The following SETX variants were observed in gnomAD, a reference collection of about 807,000 sequenced individuals.
SETX encodes the protein senataxin.
A neutral mutation model predicts 227.2 loss-of-function variants in SETX; 90 were observed. That is an observed-to-expected ratio of 0.40 (90% CI 0.33 to 0.47). The LOEUF is 0.47. Ranked by LOEUF, SETX falls within the 20% of genes least tolerant of loss-of-function variation. The pLI is 0.91. For missense variants in SETX, 3,052 were observed against 3,181.5 expected, an observed-to-expected ratio of 0.96 and a Z score of 0.98; for synonymous variants, 1,210 against 1,113.2, an observed-to-expected ratio of 1.09 and a Z score of -1.73.
At chr9:132,323,015 T>G (rs1437526968) in intron 10 of SETX, among the ~76,000 whole-genome samples, 3 of 151,700 alleles carry the variant, frequency 2.0e-5, no homozygotes, top group Non-Finnish European at 4.4e-5. Flanking sequence ...AGATGAAAGA[T>G]AGAAAAAATT....
At chr9:132,348,190 T>C (rs1160433576) in intron 3 of SETX, among the ~76,000 whole-genome samples, 4 of 151,138 alleles carry the variant, frequency 2.6e-5, no homozygotes, top group Admixed American at 6.6e-5. Context: ...TAAAACCCCA[T>C]CTCTACTAAA....
intron 5 of SETX, among the ~76,000 whole-genome samples, chr9:132,340,364 A>G (rs1169606812): frequency 6.6e-6 from 1 of 152,226 alleles, no homozygotes; most frequent in Non-Finnish European, 1.5e-5. Flanking sequence ...GTGTCCTAAT[A>G]TATCTGCTTC....
intron 10 of SETX, among the ~76,000 whole-genome samples, chr9:132,325,220 G>A (rs1846645121): frequency 6.6e-6 from 1 of 152,158 alleles, no homozygotes; most frequent in African/African-American, 2.4e-5. Context: ...GCCGGCCGTG[G>A]TGGCGAGAGC....
Position 132,329,815 on chromosome 9 carries a change from T to C in SETX, c.1783A>G (p.Ile595Val), listed in dbSNP as rs747660516. Residue 595 changes from isoleucine (I) to valine (V), a missense_variant, in exon 10 of 26, where the codon ATA becomes GTA. This residue lies in a region of SETX where 1,483 missense variants were observed against 1,312.0 expected (regional missense o/e 1.13). Transcript: ENST00000224140. The part of the protein sequence containing the change: ...QSCLKQIIRN[I>V]KFKAPPCNTF... ...TTACATGGAGGTGCTTTGAATTTTA[T>C]GTTTCTAATAATTTGCTTTAAGCAA... 13 of 1,613,944 alleles carry C rather than the reference T, an allele frequency of 8.1e-6. No homozygotes were observed. In the East Asian group the frequency reaches 2.4e-4, roughly 30 times the overall value.
At chr9:132,315,240 C>T (rs1845901858) in intron 10 of SETX, among the ~76,000 whole-genome samples, 1 of 152,132 alleles carries the variant, frequency 6.6e-6, no homozygotes, top group African/African-American at 2.4e-5. Flanking sequence ...ATTAAAACAA[C>T]AGCTGTTTCA....
intron 15 of SETX, among the ~76,000 whole-genome samples, chr9:132,291,719 C>T (rs1844322381): frequency 6.6e-6 from 1 of 152,098 alleles, no homozygotes; most frequent in South Asian, 2.1e-4. Context: ...GTCTAGGTGC[C>T]TGGGTGTCTG....
intron 18 of SETX, among the ~76,000 whole-genome samples, chr9:132,286,181 CAAAAAAAAA>C (rs58043008): frequency 1.3e-5 from 1 of 74,544 alleles, no homozygotes; most frequent in African/African-American, 4.8e-5. Flanking sequence ...GACTTCACCT[CAAAAAAAAA>C]AAAAAAAAAA....
rs372021275 is a variant in SETX, at chr9:132,328,575, G to C, written c.3023C>G (p.Thr1008Ser). 24 of 1,613,790 alleles carry C rather than the reference G, an allele frequency of 1.5e-5. No homozygotes were observed. In the African/African-American group the frequency reaches 3.1e-4, roughly 21 times the overall value. ...AATAATAATAACCTGTCCACGGGAG[G>C]TATCTCCAACATTATTTTGGTTAGC... Reference protein sequence around the residue: ...FTANQNNVGDTSRGQVIIISD... With the variant: ...FTANQNNVGDSSRGQVIIISD... Residue 1008 changes from threonine to serine, a missense_variant, in exon 10 of 26, where the codon ACC becomes AGC. This residue lies in a region of SETX where 1,483 missense variants were observed against 1,312.0 expected (regional missense o/e 1.13). Coordinates refer to ENST00000224140, the MANE Select transcript of SETX (RefSeq NM_015046.7).
chr9:132,283,975 C>T (rs750438599), intron 18 of SETX, among the ~76,000 whole-genome samples: 3 of 152,204 alleles, frequency 2.0e-5, no homozygotes, highest in Non-Finnish European at 2.9e-5. Flanking sequence ...ACGTGAGTGA[C>T]GCCTCACAGT....
chr9:132,330,313 T>C lies in SETX; in HGVS notation c.1285A>G (p.Ile429Val), dbSNP rs747053403. ...MDLKDLGVAY[I>V]AQVVNHLYSE... ...TACAGATGATTAACAACCTGTGCTA[T>C]GTAAGCCACACCCAAATCCTTAAGA... The change falls in exon 10 of 26, where the codon ATA (isoleucine) becomes GTA (valine). Residue 429 changes from isoleucine (I) to valine (V), a missense_variant. Physicochemically the swap from Ile to Val is conservative, Grantham distance 29. Around this residue, in one of 10 missense-constraint regions of SETX, gnomAD observed 179 missense variants for 197.1 expected, o/e 0.91. Transcript: ENST00000224140. 6.2e-6 allele frequency: 10 copies of C among 1,612,170 alleles called. No homozygotes were observed. Among genetic ancestry groups the C allele is most frequent in the South Asian group, 1.1e-5 (1 of 90,954 alleles).
Position 132,310,483 on chromosome 9 carries a change from A to G in SETX, c.5374+1274T>C, listed in dbSNP as rs143465365. ...GCATTATTCATAACATGCTGTGCAG[A>G]AAAGAGTTAACATAGCAGGCATGCT... is the stretch of plus-strand genomic sequence containing the variant. On this transcript the variant is annotated intron_variant, in intron 11 of 25. Transcript: ENST00000224140. Among the ~76,000 whole-genome samples the G allele has an allele frequency of 2.4e-3, 363 of 152,368 alleles. 1 individual carries two copies. Among genetic ancestry groups the G allele is most frequent in the Non-Finnish European group, 3.5e-3 (239 of 68,040 alleles).
rs1350139497 is a variant in SETX at position 132,349,403 on chromosome 9, G to A, written c.26C>T (p.Pro9Leu). 6.2e-7 allele frequency: 1 copy of A among 1,614,160 alleles called. No homozygotes were observed. The highest frequency in any genetic ancestry group is 8.5e-7 in the Non-Finnish European group (1 of 1,180,032). The part of the protein sequence containing the change: MSTCCWCT[P>L]GGASTIDFLK... ...GAAGTCAATGGTGGAAGCACCACCT[G>A]GCGTACACCAACAACATGTGCTCAT... The change falls in exon 3 of 26, where the codon CCA becomes CTA. Residue 9 changes from proline to leucine, a missense_variant. By Grantham distance (98) the Pro-to-Leu change is moderately conservative. Coordinates refer to ENST00000224140, the MANE Select transcript of SETX (RefSeq NM_015046.7).
chr9:132,262,410 A>G lies in SETX; in HGVS notation c.*1829T>C, dbSNP rs947138403. On this transcript the variant is annotated 3_prime_UTR_variant, in exon 26 of 26. Coordinates refer to ENST00000224140, the MANE Select transcript of SETX (RefSeq NM_015046.7). ...CTGCTAAAATGGGCACTTCATCAAG[A>G]TAACAGGAAAGCAAACTTAAAGTAA... The G allele has an allele frequency of 1.3e-5, 2 of 152,194 alleles. No individual in the cohort carries two copies. Among genetic ancestry groups the G allele is most frequent in the Admixed American group, 1.3e-4 (2 of 15,274 alleles). The allele number at this position is 152,194 out of a possible 1,614,324, so 9.4% of individuals were successfully genotyped here. A position where few individuals can be genotyped will look rare whatever the true frequency, so the allele number is the denominator to read the frequency against.
intron 10 of SETX, among the ~76,000 whole-genome samples, chr9:132,319,901 G>C (rs889583367): frequency 6.6e-6 from 1 of 152,036 alleles, no homozygotes; most frequent in African/African-American, 2.4e-5. Context: ...CCTGCTCCCT[G>C]TCCATGCAAC....
chr9:132,342,850 A>T, intron 4 of SETX, 51 bp from the exon 5 acceptor site: 1 of 1,344,142 alleles, frequency 7.4e-7, no homozygotes, highest in Non-Finnish European at 1.1e-6. Context: ...CCTTATCAAG[A>T]TTCCCTAAAT....
chr9:132,286,549 C>G, intron 17 of SETX, 55 bp from the exon 18 acceptor site: 1 of 1,186,718 alleles, frequency 8.4e-7, no homozygotes, highest in Non-Finnish European at 1.3e-6. Context: ...TTTTAAATGC[C>G]TTCCAATGGA....
chr9:132,268,372 G>A (rs190328466), intron 25 of SETX, among the ~76,000 whole-genome samples: 2 of 152,302 alleles, frequency 1.3e-5, no homozygotes, highest in African/African-American at 4.8e-5. Flanking sequence ...TTAGGTACAT[G>A]CGCCTATAGT....
chr9:132,334,211 C>G (rs1444800740), intron 7 of SETX, among the ~76,000 whole-genome samples: 2 of 152,122 alleles, frequency 1.3e-5, no homozygotes, highest in Non-Finnish European at 2.9e-5. Context: ...TTTGGGAGGC[C>G]AAGGCAGGCA....
Position 132,265,382 on chromosome 9 carries a change from C to T in SETX, c.7288-397G>A, listed in dbSNP as rs577332410. Among the ~76,000 whole-genome samples the T allele has an allele frequency of 4.7e-3, 713 of 151,958 alleles. 4 individuals are homozygous for T. Among genetic ancestry groups the T allele is most frequent in the African/African-American group, 0.016 (679 of 41,442 alleles). Reference sequence around the variant, plus strand: ...CTGGGACTACAGGCACCCGCCACCACGCCCGGCTAATTTTTTGTATTTTTA... The same window carrying T: ...CTGGGACTACAGGCACCCGCCACCATGCCCGGCTAATTTTTTGTATTTTTA... On this transcript the variant is annotated intron_variant, in intron 25 of 25. Transcript: ENST00000224140.
Sources: allele counts gnomAD v4.1 joint callset (sites outside exome capture counted in the v4.1 genomes callset), GRCh38; gene constraint gnomAD v4.1.1; regional missense constraint gnomAD v4.1.1; transcripts MANE v1.5; gene names NCBI Gene and HGNC (gene_info 2026-07-23, HGNC 2026-07-21).